Variants in ARHGEF7 observed in about 807,000 individuals in gnomAD.
ARHGEF7 encodes the protein Rho guanine nucleotide exchange factor 7, also known as PAK-interacting exchange factor beta.
ARHGEF7 carries 33 observed loss-of-function variants against 109.8 expected under a neutral mutation model. The ratio of observed to expected loss-of-function variants is 0.30; its 90% CI spans 0.23 to 0.40. ARHGEF7 has a LOEUF of 0.40. ARHGEF7 is among the 10% of genes least tolerant of loss of function. The probability of loss-of-function intolerance (pLI) is 1.00; values close to 1 mark genes in which losing one functional copy is unlikely to be tolerated. For missense variants in ARHGEF7, 938 were observed against 1,098.5 expected (o/e 0.85, Z 2.07); for synonymous variants, 458 against 424.6 (o/e 1.08, Z -0.97).
chr13:111,135,473 C>T (rs1263129384), intron 1 of ARHGEF7, among the ~76,000 whole-genome samples: 1 of 152,288 alleles, frequency 6.6e-6, no homozygotes, highest in East Asian at 1.9e-4. Context: ...TCTTTTATTT[C>T]GTTGAGCAGT....
intron 2 of ARHGEF7, among the ~76,000 whole-genome samples, chr13:111,199,563 C>G (rs961033689): frequency 6.6e-6 from 1 of 152,168 alleles, no homozygotes; most frequent in South Asian, 2.1e-4. Flanking sequence ...CAGCCGAGCC[C>G]CATCTTCCTC....
At chr13:111,294,319 G>A in intron 19 of ARHGEF7, 1 of 985,486 alleles carries the variant, frequency 1.0e-6, no homozygotes, top group Non-Finnish European at 1.2e-6. Context: ...TGGCTAAGCT[G>A]CCTTTGCCTT....
At chr13:111,139,540 G>GGGTGCCTGCGTGGAGCACTGGCA (rs2075249882) in intron 1 of ARHGEF7, among the ~76,000 whole-genome samples, 1 of 150,474 alleles carries the variant, frequency 6.6e-6, no homozygotes, top group Non-Finnish European at 1.5e-5. Flanking sequence ...TGGCTCTTGT[G>GGGTGCCTGCGTGGAGCACTGGCA]GGTGCCTGCG....
chr13:111,118,067 C>A (rs1385002151), intron 1 of ARHGEF7, among the ~76,000 whole-genome samples: 1 of 152,246 alleles, frequency 6.6e-6, no homozygotes, highest in East Asian at 1.9e-4. Flanking sequence ...CCCTGACAGC[C>A]AGTGAGCGGA....
chr13:111,151,315 G>T, intron 1 of ARHGEF7, among the ~76,000 whole-genome samples: 1 of 152,164 alleles, frequency 6.6e-6, no homozygotes, highest in East Asian at 1.9e-4. Flanking sequence ...AACCTGCCTT[G>T]CCTGCAAGTT....
chr13:111,192,385 T>G (rs1437404368), intron 2 of ARHGEF7, among the ~76,000 whole-genome samples: 2 of 152,224 alleles, frequency 1.3e-5, no homozygotes, highest in African/African-American at 4.8e-5. Flanking sequence ...CCCTTTTCTC[T>G]GTGACATCCT....
chr13:111,275,982 A>G (rs578228346), intron 12 of ARHGEF7: 7 of 359,316 alleles, frequency 1.9e-5, no homozygotes, highest in South Asian at 1.8e-4. Flanking sequence ...ACACATCCGC[A>G]TGGAGCTGTA....
intron 5 of ARHGEF7, among the ~76,000 whole-genome samples, chr13:111,232,946 A>G (rs1407395308): frequency 1.3e-5 from 2 of 152,214 alleles, no homozygotes; most frequent in Non-Finnish European, 2.9e-5. Flanking sequence ...TTCGTGGAGC[A>G]GTCTCTTAGA....
At chr13:111,264,769 G>A (rs980209937) in intron 8 of ARHGEF7, among the ~76,000 whole-genome samples, 1 of 152,190 alleles carries the variant, frequency 6.6e-6, no homozygotes, top group African/African-American at 2.4e-5. Flanking sequence ...ACATTTGGTA[G>A]ATGTTCTTAC....
Position 111,301,508 on chromosome 13 carries a change from G to C in ARHGEF7, c.2442G>C (p.Lys814Asn). 1.2e-6 allele frequency: 2 copies of C among 1,612,770 alleles called. No individual in the cohort carries two copies. Among genetic ancestry groups the C allele is most frequent in the Non-Finnish European group, 1.7e-6 (2 of 1,178,954 alleles). Reference protein sequence around the residue: ...KSLVDTVYALKDEVQELRQDN... With the variant: ...KSLVDTVYALNDEVQELRQDN... ...TTGTGGATACCGTATATGCATTAAA[G>C]GATGAAGTTCAAGAATTAAGACAGG... The change falls in exon 21 of 22, where the codon AAG (lysine) becomes AAC (asparagine). Residue 814 changes from lysine (K) to asparagine (N), a missense_variant. Physicochemically the swap from Lys to Asn is moderately conservative, Grantham distance 94. Around this residue, in one of 4 missense-constraint regions of ARHGEF7, gnomAD observed 166 missense variants for 167.3 expected, o/e 0.99. Transcript: ENST00000646102.
chr13:111,156,657 G>GCGGGC (rs1462555618), intron 2 of ARHGEF7, among the ~76,000 whole-genome samples: 2 of 152,206 alleles, frequency 1.3e-5, no homozygotes, highest in East Asian at 3.8e-4. Flanking sequence ...CATCTCCCAT[G>GCGGGC]CGGGCCACAG....
chr13:111,264,701 G>C (rs1361087255), intron 8 of ARHGEF7, among the ~76,000 whole-genome samples: 1 of 152,112 alleles, frequency 6.6e-6, no homozygotes, highest in Admixed American at 6.5e-5. Flanking sequence ...ATTGAAGGAG[G>C]GCGTTGGCCT....
chr13:111,124,885 G>A (rs1049903228), intron 1 of ARHGEF7, among the ~76,000 whole-genome samples: 16 of 152,014 alleles, frequency 1.1e-4, no homozygotes, highest in African/African-American at 3.4e-4. Context: ...CCCGCCTCTC[G>A]AGTAGCTGAG....
At position 111,275,534 on chromosome 13, in the gene ARHGEF7, C is replaced by T. The variant is rs1243007281; in HGVS notation, c.1275C>T (p.Ala425=). The change falls in exon 12 of 22, where the codon GCC becomes GCT. Residue 425 remains alanine, a splice_region_variant and synonymous_variant. Coordinates refer to ENST00000646102, the MANE Select transcript of ARHGEF7 (RefSeq NM_001354046.2). ...CAGTGTTGTTCTGTGTCTGTCAGGC[C>T]CAATGTCAAGAAGTCCGGAAGAGGA... is the stretch of plus-strand genomic sequence containing the variant. The part of the protein sequence containing the change: ...KSMAAFKNLS[A]QCQEVRKRKE... 6.2e-7 allele frequency: 1 copy of T among 1,613,814 alleles called. No individual in the cohort carries two copies.
chr13:111,209,877 G>A lies in ARHGEF7; in HGVS notation c.343G>A (p.Gly115Arg), dbSNP rs772912273. The A allele has an allele frequency of 3.1e-6, 5 of 1,614,078 alleles. No homozygotes were observed. The highest frequency in any genetic ancestry group is 2.2e-5 in the East Asian group (1 of 44,880). ...VTLNKVTADI[G>R]LGSDSVCARP... The stretch of plus-strand genomic sequence containing the variant: ...TGTGTGCATGCTCTTTGCAGACATC[G>A]GGCTGGGGAGTGACTCCGTGTGTGC... Residue 115 changes from glycine to arginine, a missense_variant, in exon 4 of 22, where the codon GGG becomes AGG. Coordinates refer to ENST00000646102, the MANE Select transcript of ARHGEF7 (RefSeq NM_001354046.2).
At chr13:111,141,621 G>A (rs1180772971) in intron 1 of ARHGEF7, among the ~76,000 whole-genome samples, 5 of 150,494 alleles carry the variant, frequency 3.3e-5, no homozygotes, top group African/African-American at 4.8e-5. Context: ...ATGCATTTAA[G>A]GTTCCTCCAT....
In ARHGEF7 at chr13:111,147,599, G is replaced by A. The variant is rs184039799; in HGVS notation, c.166-6306G>A. 6.7e-4 allele frequency among the ~76,000 whole-genome samples: 101 copies of A among 150,764 alleles called. 3 individuals are homozygous for A. In the East Asian group the frequency reaches 0.016, roughly 24 times the overall value. ...TGATCTCAGCTGCCCTTTTTTACTC[G>A]CCATCCTTGAGAACACCCTGGACTG... is the stretch of plus-strand genomic sequence containing the variant. On this transcript the variant is annotated intron_variant, in intron 1 of 21. Coordinates refer to ENST00000646102, the MANE Select transcript of ARHGEF7 (RefSeq NM_001354046.2).
intron 5 of ARHGEF7, among the ~76,000 whole-genome samples, chr13:111,225,517 T>G (rs1328149019): frequency 2.0e-5 from 3 of 151,986 alleles, no homozygotes; most frequent in Non-Finnish European, 4.4e-5. Context: ...TTTTTGTTTT[T>G]TTTTTTTTCT....
At chr13:111,302,592 C>T (rs1242597413) in intron 21 of ARHGEF7, among the ~76,000 whole-genome samples, 1 of 152,148 alleles carries the variant, frequency 6.6e-6, no homozygotes, top group Non-Finnish European at 1.5e-5. Flanking sequence ...AGCAGGTGCT[C>T]GCCCACTTGC....
Sources: gnomAD v4.1 joint callset for allele counts (sites outside exome capture counted in the v4.1 genomes callset) on GRCh38, gnomAD v4.1.1 for gene constraint, gnomAD v4.1.1 regional missense constraint, MANE v1.5 for transcripts, NCBI Gene and HGNC (gene_info 2026-07-23, HGNC 2026-07-21) for gene names.